The following KCTD3 variants were observed in gnomAD, a reference collection of about 807,000 sequenced individuals.
KCTD3 encodes the protein potassium channel tetramerization domain containing 3.
KCTD3 carries 41 observed loss-of-function variants against 85.8 expected under a neutral mutation model. The observed-to-expected ratio is 0.48, with a 90% confidence interval of 0.37 to 0.62. The LOEUF is 0.62. Among genes scored for constraint, KCTD3 ranks in the 20% least tolerant of loss-of-function variants. KCTD3 has a pLI of 0.00. For synonymous variants in KCTD3, 338 were observed against 345.4 expected (o/e 0.98, Z 0.24); for missense variants, 724 against 989.9 (o/e 0.73, Z 3.60).
intron 15 of KCTD3, 150 bp downstream of exon 15, chr1:215,612,071 T>G (rs1655254082): frequency 1.7e-6 from 1 of 592,570 alleles, no homozygotes; most frequent in Non-Finnish European, 3.1e-6. Context: ...AACTCAAAAT[T>G]AAGACAGTAG....
At chr1:215,577,572 G>T in intron 4 of KCTD3, 98 bp from the exon 5 acceptor site, 1 of 751,248 alleles carries the variant, frequency 1.3e-6, no homozygotes, top group South Asian at 1.5e-5. Context: ...AAAGCCTTAT[G>T]ACTATATACA....
Position 215,611,862 on chromosome 1 carries a change from C to G in KCTD3, c.1503C>G (p.Ile501Met). ...AGCGAGACGATCAACAGGTGTTTAT[C>G]CAGAAAGTTGTTCCCATCACCAACA... The part of the protein sequence containing the change: ...FGERDDQQVF[I>M]QKVVPITNKL... The change falls in exon 15 of 18, where the codon ATC (isoleucine) becomes ATG (methionine). Residue 501 changes from isoleucine to methionine, a missense_variant. This residue lies in a region of KCTD3 where 136 missense variants were observed against 197.6 expected (regional missense o/e 0.69). Coordinates refer to ENST00000259154, the MANE Select transcript of KCTD3 (RefSeq NM_016121.5). 6.2e-7 allele frequency: 1 copy of G among 1,608,958 alleles called. No homozygotes were observed. Among genetic ancestry groups the G allele is most frequent in the Non-Finnish European group, 8.5e-7 (1 of 1,176,532 alleles).
intron 10 of KCTD3, among the ~76,000 whole-genome samples, chr1:215,598,228 A>C (rs1558238239): frequency 1.3e-5 from 2 of 152,252 alleles, no homozygotes; most frequent in East Asian, 3.9e-4. Context: ...AGTCCCTGAG[A>C]AGACTGGGAA....
chr1:215,616,683 C>T (rs1655463374), intron 15 of KCTD3, among the ~76,000 whole-genome samples: 1 of 152,106 alleles, frequency 6.6e-6, no homozygotes, highest in Non-Finnish European at 1.5e-5. Flanking sequence ...TCGCTTGAAC[C>T]CAGGAGGCAG....
chr1:215,611,023 T>C (rs942259451), intron 14 of KCTD3, among the ~76,000 whole-genome samples: 1 of 152,038 alleles, frequency 6.6e-6, no homozygotes, highest in African/African-American at 2.4e-5. Context: ...GAATTGTAAG[T>C]TGATATTATT....
At chr1:215,598,268 A>G (rs1181433382) in intron 10 of KCTD3, among the ~76,000 whole-genome samples, 1 of 152,148 alleles carries the variant, frequency 6.6e-6, no homozygotes, top group Non-Finnish European at 1.5e-5. Context: ...GGAACAAGAA[A>G]GTTTGATGTG....
intron 9 of KCTD3, among the ~76,000 whole-genome samples, chr1:215,590,987 CTT>C (rs893475374): frequency 2.8e-4 from 42 of 152,258 alleles, no homozygotes; most frequent in African/African-American, 9.4e-4. Context: ...TGTTTCAGTA[CTT>C]TGTTAGGAGT....
At chr1:215,593,186 A>T (rs896962074) in intron 9 of KCTD3, among the ~76,000 whole-genome samples, 3 of 152,232 alleles carry the variant, frequency 2.0e-5, no homozygotes, top group African/African-American at 7.2e-5. Flanking sequence ...TAATGACTTT[A>T]TGCTTTGAAG....
Position 215,620,224 on chromosome 1 carries a change from C to T in KCTD3, c.2054C>T (p.Pro685Leu), listed in dbSNP as rs1188677991. Residue 685 changes from proline (P) to leucine (L), a missense_variant, in exon 18 of 18, where the codon CCT (proline) becomes CTT (leucine). This residue lies in a region of KCTD3 where 222 missense variants were observed against 217.7 expected (regional missense o/e 1.02). Transcript: ENST00000259154. ...AACAGAAATGTAGAAAGAGCTGTCC[C>T]TGAAAATGGTAACTTGGGTCCAATA... ...NLNRNVERAV[P>L]ENGNLGPIQA... is the part of the protein sequence containing the mutation. 3.1e-6 allele frequency: 5 copies of T among 1,613,812 alleles called. No homozygotes were observed. The highest frequency in any genetic ancestry group is 1.7e-5 in the Admixed American group (1 of 59,984).
At chr1:215,576,696 T>C (rs1042145699) in intron 4 of KCTD3, among the ~76,000 whole-genome samples, 1 of 151,970 alleles carries the variant, frequency 6.6e-6, no homozygotes, top group Non-Finnish European at 1.5e-5. Flanking sequence ...GCCTCCCAAG[T>C]AGCTGGGACT....
At chr1:215,586,443 G>T in intron 8 of KCTD3, 52 bp from the exon 9 acceptor site, 6 of 1,441,604 alleles carry the variant, frequency 4.2e-6, no homozygotes, top group Non-Finnish European at 5.7e-6. Flanking sequence ...TGTGTATTCC[G>T]TTTGCTTCAT....
rs763569339 is a variant in KCTD3 at position 215,586,480 on chromosome 1, G to C, written c.627-15G>C. 4 of 1,597,606 alleles carry C rather than the reference G, an allele frequency of 2.5e-6. No homozygotes were observed. In the South Asian group the frequency reaches 4.5e-5, roughly 18 times the overall value. ...GCTGCTGAGTCTACCTTATGTGCCT[G>C]TTCTTCCTTAACAGAATCAAAGAAT... On this transcript the variant is annotated splice_polypyrimidine_tract_variant and intron_variant, in intron 8 of 17. Transcript: ENST00000259154.
At chr1:215,605,483 ACT>A (rs1654983531) in intron 13 of KCTD3, among the ~76,000 whole-genome samples, 1 of 151,740 alleles carries the variant, frequency 6.6e-6, no homozygotes, top group African/African-American at 2.4e-5. Flanking sequence ...TCTTTCCTGG[ACT>A]CTGTATTCTT....
Position 215,577,712 on chromosome 1 carries a change from C to T in KCTD3, c.300C>T (p.Tyr100=), listed in dbSNP as rs374541317. The change falls in exon 5 of 18, where the codon TAC becomes TAT. Residue 100 remains tyrosine (Y), a synonymous_variant. Transcript: ENST00000259154. ...TTCTCAGGCATGAAGCAGAATTTTA[C>T]GGGATCACTCCATTAGGTATGTGCT... ...INVLRHEAEF[Y]GITPLVRRLL... is the part of the protein sequence containing the mutation. 29 of 1,593,916 alleles carry T rather than the reference C, an allele frequency of 1.8e-5. 1 individual carries two copies. The highest frequency in any genetic ancestry group is 1.7e-4 in the Admixed American group (10 of 59,944).
At chr1:215,587,102 T>A (rs1481060959) in intron 9 of KCTD3, among the ~76,000 whole-genome samples, 1 of 151,962 alleles carries the variant, frequency 6.6e-6, no homozygotes, top group Non-Finnish European at 1.5e-5. Context: ...ACTCAGGACC[T>A]GAAAGAATGT....
At position 215,611,816 on chromosome 1, in the gene KCTD3, C is replaced by T. The variant is rs758679958; in HGVS notation, c.1466-9C>T. On this transcript the variant is annotated splice_polypyrimidine_tract_variant and intron_variant, in intron 14 of 17. Transcript: ENST00000259154. ...ATTAATTTTTTGACATTTTTGTTTTCTGATCAAGGACCTTTTGGAGAGCGA... is the reference window on the plus strand; with the variant it reads ...ATTAATTTTTTGACATTTTTGTTTTTTGATCAAGGACCTTTTGGAGAGCGA... The T allele has an allele frequency of 6.4e-7, 1 of 1,557,184 alleles. No homozygotes were observed. The highest frequency in any genetic ancestry group is 8.7e-7 in the Non-Finnish European group (1 of 1,149,484).
intron 10 of KCTD3, among the ~76,000 whole-genome samples, chr1:215,599,393 A>G (rs1414953650): frequency 6.6e-6 from 1 of 152,220 alleles, no homozygotes; most frequent in Non-Finnish European, 1.5e-5. Flanking sequence ...ATAAGTTTAC[A>G]GGTATAGAGA....
chr1:215,611,555 C>T (rs780431483), intron 14 of KCTD3, among the ~76,000 whole-genome samples: 18 of 151,830 alleles, frequency 1.2e-4, no homozygotes, highest in African/African-American at 1.9e-4. Flanking sequence ...GTTAATGTGG[C>T]ACCTTAGGAA....
chr1:215,591,168 C>T (rs1452599465), intron 9 of KCTD3, among the ~76,000 whole-genome samples: 1 of 152,174 alleles, frequency 6.6e-6, no homozygotes, highest in African/African-American at 2.4e-5. Context: ...CATCTACCCA[C>T]ATATGACCTC....
Sources: allele counts gnomAD v4.1 joint callset (sites outside exome capture counted in the v4.1 genomes callset), GRCh38; gene constraint gnomAD v4.1.1; regional missense constraint gnomAD v4.1.1; transcripts MANE v1.5; gene names NCBI Gene and HGNC (gene_info 2026-07-23, HGNC 2026-07-21).